The following SLC24A4 variants were observed in gnomAD, a reference collection of about 807,000 sequenced individuals.
The protein encoded by SLC24A4 is sodium/potassium/calcium exchanger 4.
In SLC24A4, 53 loss-of-function variants were observed where a neutral mutation model predicts 79.0. The observed-to-expected ratio is 0.67, with a 90% CI of 0.54 to 0.84. The LOEUF (loss-of-function observed/expected upper bound fraction) is 0.84. Ranked by LOEUF, SLC24A4 falls within the 40% of genes least tolerant of loss-of-function variation. SLC24A4 has a pLI of 0.00. For missense variants in SLC24A4, 731 were observed against 822.0 expected (o/e 0.89, Z 1.35); for synonymous variants, 323 against 323.8 (o/e 1.00, Z 0.03).
intron 12 of SLC24A4, among the ~76,000 whole-genome samples, chr14:92,474,843 G>GTGTGTGTGTGTGTGTATA (rs779007741): frequency 3.8e-4 from 9 of 23,886 alleles, no homozygotes; most frequent in African/African-American, 8.8e-4. Context: ...GTGTGTGTGT[G>GTGTGTGTGTGTGTGTATA]TATATATATA....
chr14:92,499,914 A>G lies in SLC24A4; in HGVS notation c.*6286A>G, dbSNP rs1350682426. On this transcript the variant is annotated 3_prime_UTR_variant, in exon 17 of 17. Coordinates refer to ENST00000532405, the MANE Select transcript of SLC24A4 (RefSeq NM_153646.4). ...GAGTGCAGTGGCGCGATCTCCACTC[A>G]CTGCAAGCTCCGCCTCCCGGGTTCA... 1 of 145,978 alleles carries G rather than the reference A, an allele frequency of 6.9e-6. No individual in the cohort carries two copies. Among genetic ancestry groups the G allele is most frequent in the Non-Finnish European group, 1.5e-5 (1 of 67,066 alleles). 9.0% of individuals were successfully genotyped at this position (145,978 alleles called of 1,614,324 possible).
intron 2 of SLC24A4, among the ~76,000 whole-genome samples, chr14:92,372,976 CCT>C (rs1438256483): frequency 5.0e-5 from 7 of 139,578 alleles, no homozygotes; most frequent in Non-Finnish European, 6.2e-5. Flanking sequence ...TCTCTCCCCC[CCT>C]CCCTCTCCCT....
intron 2 of SLC24A4, among the ~76,000 whole-genome samples, chr14:92,406,588 T>C (rs1467558055): frequency 6.6e-6 from 1 of 152,208 alleles, no homozygotes; most frequent in Non-Finnish European, 1.5e-5. Context: ...TCTGCACACC[T>C]ACAGGCCCAA....
At chr14:92,409,416 A>G (rs1297264826) in intron 2 of SLC24A4, among the ~76,000 whole-genome samples, 3 of 152,238 alleles carry the variant, frequency 2.0e-5, no homozygotes, top group South Asian at 2.1e-4. Context: ...AAGGCAGCGC[A>G]TTCAGTGTTA....
chr14:92,447,404 G>A lies in SLC24A4; in HGVS notation c.717G>A (p.Val239=), dbSNP rs750824777. The change falls in exon 9 of 17, where the codon GTG becomes GTA. Residue 239 remains valine (V), a synonymous_variant. Coordinates refer to ENST00000532405, the MANE Select transcript of SLC24A4 (RefSeq NM_153646.4). The part of the protein sequence containing the change: ...WEGLVLIILY[V]FYILIMKYNV... ...GCCTGGTGCTCATCATCTTGTATGT[G>A]TTTTATATTCTGATCATGAAGTAAG... 1.4e-5 allele frequency: 23 copies of A among 1,614,006 alleles called. No homozygotes were observed. In the South Asian group the frequency reaches 2.4e-4, roughly 17 times the overall value.
intron 2 of SLC24A4, among the ~76,000 whole-genome samples, chr14:92,344,184 C>T (rs1027845565): frequency 3.9e-5 from 6 of 152,204 alleles, no homozygotes; most frequent in African/African-American, 1.4e-4. Context: ...GATGTCTGAG[C>T]AGAAGCTTTA....
intron 10 of SLC24A4, chr14:92,452,878 C>G (rs1421241245): frequency 6.6e-6 from 1 of 152,248 alleles, no homozygotes; most frequent in African/African-American, 2.4e-5. Flanking sequence ...GCTATTAACT[C>G]TTACACGGGT....
chr14:92,434,040 C>A, intron 3 of SLC24A4, 52 bp downstream of exon 3: 3 of 1,412,062 alleles, frequency 2.1e-6, no homozygotes, highest in Non-Finnish European at 3.0e-6. Context: ...TGAAGCCTCT[C>A]TGCACAGCGG....
rs368438576 is a variant in SLC24A4 at position 92,341,967 on chromosome 14, G to A, written c.241+15989G>A. On this transcript the variant is annotated intron_variant, in intron 2 of 16. Transcript: ENST00000532405. ...AGCCAGCTAAGATTCCGATATAGCC[G>A]TGTGTGAAAAGTGACTCAGTGACTT... 9.2e-5 allele frequency among the ~76,000 whole-genome samples: 14 copies of A among 152,248 alleles called. 1 individual carries two copies. The highest frequency in any genetic ancestry group is 8.3e-4 in the South Asian group (4 of 4,820).
chr14:92,440,506 C>T lies in SLC24A4; in HGVS notation c.393+1097C>T, dbSNP rs116505650. On this transcript the variant is annotated intron_variant, in intron 4 of 16. Coordinates refer to ENST00000532405, the MANE Select transcript of SLC24A4 (RefSeq NM_153646.4). ...TCAGCTGATCCTTACTGAATACACA[C>T]CTAGGACCCACCCGCTAGGCTGAGA... is the stretch of plus-strand genomic sequence containing the variant. Among the ~76,000 whole-genome samples the T allele has an allele frequency of 5.2e-3, 792 of 152,216 alleles. 12 individuals are homozygous for T. Among genetic ancestry groups the T allele is most frequent in the African/African-American group, 0.017 (721 of 41,536 alleles).
Position 92,484,884 on chromosome 14 carries a change from A to G in SLC24A4, c.1423-1782A>G, listed in dbSNP as rs531390920. The G allele has an allele frequency of 7.1e-6, 7 of 985,436 alleles. No homozygotes were observed. The South Asian group carries it at 2.3e-4, about 33-fold the overall frequency. 61.0% of individuals were successfully genotyped at this position (985,436 alleles called of 1,614,324 possible). A position where few individuals can be genotyped will look rare whatever the true frequency, so the allele number is the denominator to read the frequency against. On this transcript the variant is annotated intron_variant, in intron 13 of 16. Coordinates refer to ENST00000532405, the MANE Select transcript of SLC24A4 (RefSeq NM_153646.4). ...CAGATGATCATGAGCGTTGCTGAAT[A>G]ATACACAGTTTGGCCACTGAGTAGT...
At chr14:92,394,468 G>C (rs75821313) in intron 2 of SLC24A4, among the ~76,000 whole-genome samples, 1 of 152,140 alleles carries the variant, frequency 6.6e-6, no homozygotes, top group East Asian at 1.9e-4. Flanking sequence ...AGCTGGGTGT[G>C]GTGGTATCCA....
At position 92,483,276 on chromosome 14, in the gene SLC24A4, C is replaced by A. The variant is rs535558170; in HGVS notation, c.1422+430C>A. 4.6e-5 allele frequency among the ~76,000 whole-genome samples: 7 copies of A among 152,292 alleles called. No individual in the cohort carries two copies. In the South Asian group the frequency reaches 8.3e-4, roughly 18 times the overall value. The stretch of plus-strand genomic sequence containing the variant: ...CTCCTGCCCAGGAATGCTCCTCCCC[C>A]CACTGATGTGCTGGTGCTGGTTTAA... On this transcript the variant is annotated intron_variant, in intron 13 of 16. Coordinates refer to ENST00000532405, the MANE Select transcript of SLC24A4 (RefSeq NM_153646.4).
chr14:92,394,323 T>C (rs553486879), intron 2 of SLC24A4, among the ~76,000 whole-genome samples: 1 of 152,232 alleles, frequency 6.6e-6, no homozygotes, highest in South Asian at 2.1e-4. Flanking sequence ...AGGCCAGGCA[T>C]GATGGCTTAT....
intron 12 of SLC24A4, among the ~76,000 whole-genome samples, chr14:92,461,897 A>G (rs1034526685): frequency 1.3e-5 from 2 of 152,222 alleles, no homozygotes; most frequent in Non-Finnish European, 2.9e-5. Context: ...GTGATTGCCC[A>G]TGGTCACCCA....
chr14:92,483,303 C>T (rs1248324572), intron 13 of SLC24A4, among the ~76,000 whole-genome samples: 1 of 152,174 alleles, frequency 6.6e-6, no homozygotes, highest in Admixed American at 6.5e-5. Flanking sequence ...CTGGTTTAAG[C>T]CCTTCATATA....
At chr14:92,411,633 G>T (rs1890721428) in intron 2 of SLC24A4, among the ~76,000 whole-genome samples, 1 of 152,222 alleles carries the variant, frequency 6.6e-6, no homozygotes, top group Non-Finnish European at 1.5e-5. Flanking sequence ...GCCGGTGGAG[G>T]AGGAGGAGAA....
chr14:92,325,576 C>T (rs751482219), intron 1 of SLC24A4, among the ~76,000 whole-genome samples: 2 of 152,216 alleles, frequency 1.3e-5, no homozygotes, highest in Non-Finnish European at 2.9e-5. Context: ...AAAAGGTCAC[C>T]TATCTAAACC....
intron 2 of SLC24A4, among the ~76,000 whole-genome samples, chr14:92,338,792 G>A (rs1885962410): frequency 6.6e-6 from 1 of 152,236 alleles, no homozygotes; most frequent in Non-Finnish European, 1.5e-5. Context: ...GCCATCCTTG[G>A]GTTTAGCTCA....
Sources: gnomAD v4.1 joint callset for allele counts (sites outside exome capture counted in the v4.1 genomes callset) on GRCh38, gnomAD v4.1.1 for gene constraint, MANE v1.5 for transcripts, NCBI Gene and HGNC (gene_info 2026-07-23, HGNC 2026-07-21) for gene names.